DLGAP2: variants seen among roughly 807,000 people sequenced by gnomAD.
DLGAP2 encodes DLG associated protein 2, also known as disks large-associated protein 2.
Under a neutral mutation model 100.3 loss-of-function variants are expected in DLGAP2, and 26 were observed. The ratio of observed to expected loss-of-function variants is 0.26; its 90% CI spans 0.19 to 0.36. DLGAP2 has a LOEUF of 0.36. Ranked by LOEUF, DLGAP2 falls within the 10% of genes least tolerant of loss-of-function variation. DLGAP2 has a pLI of 1.00. For missense variants in DLGAP2, 1,858 were observed against 1,453.2 expected (o/e 1.28, Z -4.53); for synonymous variants, 886 against 630.1 (o/e 1.41, Z -6.08).
chr8:751,497 A>T (rs1820787699), intron 1 of DLGAP2, among the ~76,000 whole-genome samples: 1 of 152,192 alleles, frequency 6.6e-6, no homozygotes, highest in Admixed American at 6.5e-5. Flanking sequence ...ACATTACGGA[A>T]GTTGGATCGT....
At chr8:909,797 T>G (rs1056495414) in intron 2 of DLGAP2, among the ~76,000 whole-genome samples, 1 of 152,182 alleles carries the variant, frequency 6.6e-6, no homozygotes, top group African/African-American at 2.4e-5. Context: ...CCATGCAGAA[T>G]GGAAAGATGG....
chr8:906,048 C>G (rs941392839), intron 1 of DLGAP2, among the ~76,000 whole-genome samples: 1 of 152,238 alleles, frequency 6.6e-6, no homozygotes, highest in Non-Finnish European at 1.5e-5. Flanking sequence ...ACCGTCGGTG[C>G]TGGGGATGCC....
intron 6 of DLGAP2, among the ~76,000 whole-genome samples, chr8:1,578,147 G>A (rs554181524): frequency 8.5e-5 from 13 of 152,280 alleles, no homozygotes; most frequent in African/African-American, 2.9e-4. Context: ...CCCAGCAGGA[G>A]CTGACTGACA....
intron 3 of DLGAP2, among the ~76,000 whole-genome samples, chr8:1,353,241 G>A (rs940799520): frequency 6.6e-6 from 1 of 152,200 alleles, no homozygotes; most frequent in East Asian, 1.9e-4. Flanking sequence ...GGCTGTGTGT[G>A]CACAGGAGGC....
rs528883887 is a variant in DLGAP2 at position 1,163,516 on chromosome 8, G to A, written c.74-95335G>A. Among the ~76,000 whole-genome samples, 6 of 152,376 alleles carry A rather than the reference G, an allele frequency of 3.9e-5. No individual in the cohort carries two copies. In the East Asian group the frequency reaches 7.7e-4, roughly 20 times the overall value. Reference sequence around the variant, plus strand: ...TTATTCACCAAGATTCCAAAGACTCGGGAGCTGTAGGATTTGGGATTCATT... The same window carrying A: ...TTATTCACCAAGATTCCAAAGACTCAGGAGCTGTAGGATTTGGGATTCATT... On this transcript the variant is annotated intron_variant, in intron 2 of 14. Transcript: ENST00000637795.
At chr8:1,542,821 C>G (rs1801407368) in intron 4 of DLGAP2, among the ~76,000 whole-genome samples, 3 of 152,184 alleles carry the variant, frequency 2.0e-5, no homozygotes, top group Admixed American at 1.3e-4. Context: ...CCAGCCTGTT[C>G]TCCCTTCCCC....
intron 2 of DLGAP2, among the ~76,000 whole-genome samples, chr8:969,031 A>G (rs146354356): frequency 3.7e-4 from 57 of 152,294 alleles, no homozygotes; most frequent in African/African-American, 1.3e-3. Flanking sequence ...CGTGTGGGCC[A>G]TGGGGTTCCC....
intron 1 of DLGAP2, among the ~76,000 whole-genome samples, chr8:848,253 G>C (rs1797106725): frequency 6.6e-6 from 1 of 152,202 alleles, no homozygotes; most frequent in African/African-American, 2.4e-5. Context: ...TTGCTGAGTA[G>C]TATTCCAGTA....
intron 3 of DLGAP2, among the ~76,000 whole-genome samples, chr8:1,483,479 G>A (rs111737267): frequency 0.018 from 2,328 of 128,290 alleles, 100 homozygotes; most frequent in African/African-American, 0.076. Context: ...GTCTCCACAG[G>A]GCAGGGAGGC....
chr8:1,023,436 T>A (rs1374858290), intron 2 of DLGAP2, among the ~76,000 whole-genome samples: 1 of 152,126 alleles, frequency 6.6e-6, no homozygotes, highest in African/African-American at 2.4e-5. Context: ...TCAAGCAGCA[T>A]CCCATGACCT....
chr8:1,277,734 A>C (rs186417166), intron 3 of DLGAP2, among the ~76,000 whole-genome samples: 166 of 152,236 alleles, frequency 1.1e-3, no homozygotes, highest in Non-Finnish European at 1.1e-3. Context: ...GAATCAGCAT[A>C]CCCACGTCAG....
intron 3 of DLGAP2, chr8:1,302,474 C>T (rs1421975956): frequency 6.6e-6 from 1 of 151,938 alleles, no homozygotes; most frequent in Non-Finnish European, 1.5e-5. Context: ...TTCCGGAGCT[C>T]TGCTTCATAC....
intron 2 of DLGAP2, among the ~76,000 whole-genome samples, chr8:959,630 T>G (rs1799676703): frequency 6.6e-6 from 1 of 152,224 alleles, no homozygotes; most frequent in African/African-American, 2.4e-5. Flanking sequence ...GAGTGTGGTC[T>G]TCTGGGAAAC....
intron 2 of DLGAP2, among the ~76,000 whole-genome samples, chr8:1,192,298 A>G (rs910226602): frequency 6.6e-6 from 1 of 152,182 alleles, no homozygotes; most frequent in Admixed American, 6.5e-5. Flanking sequence ...TATTAATTTT[A>G]AGTGACAAAA....
chr8:1,240,238 G>A (rs1215495728), intron 2 of DLGAP2, among the ~76,000 whole-genome samples: 1 of 124,454 alleles, frequency 8.0e-6, no homozygotes, highest in Non-Finnish European at 1.8e-5. Flanking sequence ...CTCTCACATG[G>A]CGCCGTGTCT....
intron 3 of DLGAP2, among the ~76,000 whole-genome samples, chr8:1,476,050 A>C (rs1798921284): frequency 6.6e-6 from 1 of 152,194 alleles, no homozygotes; most frequent in African/African-American, 2.4e-5. Context: ...GGCATCCTTC[A>C]AAAGAGGGCA....
chr8:1,017,784 AAGT>A, intron 2 of DLGAP2, among the ~76,000 whole-genome samples: 2 of 151,956 alleles, frequency 1.3e-5, no homozygotes, highest in African/African-American at 4.8e-5. Context: ...GTCTGAGTGC[AAGT>A]GGCCACCTCA....
At chr8:1,424,711 G>A (rs867954541) in intron 3 of DLGAP2, among the ~76,000 whole-genome samples, 9 of 152,138 alleles carry the variant, frequency 5.9e-5, no homozygotes, top group Admixed American at 3.9e-4. Context: ...ACAGAAGGCC[G>A]GATAGGACAA....
intron 3 of DLGAP2, among the ~76,000 whole-genome samples, chr8:1,274,695 CTTTTTTTTTTTTTT>C (rs145930765): frequency 3.2e-4 from 7 of 22,210 alleles, no homozygotes; most frequent in African/African-American, 6.8e-4. Context: ...TTTCATTTAT[CTTTTTTTTTTTTTT>C]TTTTTTTTTT....
Sources: allele counts gnomAD v4.1 joint callset (sites outside exome capture counted in the v4.1 genomes callset), GRCh38; gene constraint gnomAD v4.1.1; transcripts MANE v1.5; gene names NCBI Gene and HGNC (gene_info 2026-07-23, HGNC 2026-07-21).